The following PIGN variants were observed in gnomAD, a reference collection of about 807,000 sequenced individuals.
PIGN encodes phosphatidylinositol glycan anchor biosynthesis class N.
A neutral mutation model predicts 125.4 loss-of-function variants in PIGN; 117 were observed. That is an observed-to-expected ratio of 0.93 (90% CI 0.80 to 1.09). The LOEUF (loss-of-function observed/expected upper bound fraction) is 1.09, where lower values mean the gene tolerates loss of function less well. PIGN is among the 50% of genes least tolerant of loss of function. The probability of loss-of-function intolerance (pLI) is 0.00; values close to 1 mark genes in which losing one functional copy is unlikely to be tolerated. For missense variants in PIGN, 1,075 were observed against 1,094.9 expected (o/e 0.98, Z 0.26); for synonymous variants, 392 against 377.8 (o/e 1.04, Z -0.44).
chr18:62,071,864 A>ATATATATATATATATATG (rs1491451976), intron 30 of PIGN, among the ~76,000 whole-genome samples: 115 of 1,240 alleles, frequency 0.093, 6 homozygotes, highest in African/African-American at 0.2. Flanking sequence ...CTCCTTTTCC[A>ATATATATATATATATATG]TATATATATA....
chr18:62,114,649 A>T lies in PIGN; in HGVS notation c.1173-10T>A. ...GGAATCAGAAAGCAGTCTATATATA[A>T]AAAAAAGAATAGGTTTAAAGGGTTT... On this transcript the variant is annotated splice_polypyrimidine_tract_variant and intron_variant, in intron 14 of 30. Coordinates refer to ENST00000640252, the MANE Select transcript of PIGN (RefSeq NM_176787.5). 4 of 1,359,734 alleles carry T rather than the reference A, an allele frequency of 2.9e-6. No individual in the cohort carries two copies. Among genetic ancestry groups the T allele is most frequent in the Non-Finnish European group, 4.1e-6 (4 of 985,432 alleles). The allele number at this position is 1,359,734 out of a possible 1,614,324, so 84.2% of individuals were successfully genotyped here.
chr18:62,072,512 G>T lies in PIGN; in HGVS notation c.2672+161C>A, dbSNP rs187065233. On this transcript the variant is annotated intron_variant, in intron 30 of 30. Transcript: ENST00000640252. Reference sequence around the variant, plus strand: ...CATGCTGTACAGGTTTATAGTCTAGGAGCAATAGGCTGTACCATATCCTAG... The same window carrying T: ...CATGCTGTACAGGTTTATAGTCTAGTAGCAATAGGCTGTACCATATCCTAG... 2.1e-4 allele frequency: 119 copies of T among 562,094 alleles called. No individual in the cohort carries two copies. In the African/African-American group the frequency reaches 2.1e-3, roughly 10 times the overall value. The allele number at this position is 562,094 out of a possible 1,614,324, so 34.8% of individuals were successfully genotyped here.
At chr18:62,154,794 G>A in intron 6 of PIGN, 143 bp from the exon 7 acceptor site, 1 of 607,728 alleles carries the variant, frequency 1.6e-6, no homozygotes, top group Non-Finnish European at 2.9e-6. Flanking sequence ...GAGAAAAATG[G>A]GAGGAATAAT....
intron 22 of PIGN, among the ~76,000 whole-genome samples, chr18:62,099,306 ACAAT>A (rs2034342317): frequency 6.6e-6 from 1 of 152,164 alleles, no homozygotes; most frequent in Non-Finnish European, 1.5e-5. Flanking sequence ...TAGACCAAAA[ACAAT>A]CAATAAAGCA....
intron 30 of PIGN, among the ~76,000 whole-genome samples, chr18:62,060,831 G>A (rs973628999): frequency 1.3e-5 from 2 of 152,068 alleles, no homozygotes; most frequent in Non-Finnish European, 2.9e-5. Flanking sequence ...TACCTCAAAG[G>A]AATTTTTTTC....
chr18:62,114,687 T>C (rs746352609), intron 14 of PIGN, 48 bp from the exon 15 acceptor site: 14 of 825,346 alleles, frequency 1.7e-5, no homozygotes, highest in Non-Finnish European at 2.3e-5. Context: ...TCATTCCAAG[T>C]ATATGTTTCT....
intron 30 of PIGN, among the ~76,000 whole-genome samples, chr18:62,058,466 C>A (rs79413670): frequency 6.6e-6 from 1 of 152,144 alleles, no homozygotes; most frequent in Non-Finnish European, 1.5e-5. Flanking sequence ...TATGGAAAGA[C>A]GCAAACGTGA....
At chr18:62,172,628 A>C (rs971791604) in intron 1 of PIGN, among the ~76,000 whole-genome samples, 2 of 152,142 alleles carry the variant, frequency 1.3e-5, no homozygotes, top group African/African-American at 4.8e-5. Flanking sequence ...GTAAATGCAA[A>C]TGTATATTTG....
chr18:62,088,152 AT>A (rs1289884421), intron 25 of PIGN, among the ~76,000 whole-genome samples: 1 of 152,172 alleles, frequency 6.6e-6, no homozygotes, highest in African/African-American at 2.4e-5. Context: ...AATATATACA[AT>A]TTTTGTCAAT....
chr18:62,177,372 T>G (rs750910375), intron 1 of PIGN, among the ~76,000 whole-genome samples: 2 of 152,198 alleles, frequency 1.3e-5, no homozygotes, highest in Non-Finnish European at 2.9e-5. Context: ...TTCTAATAAT[T>G]TATATCTCTT....
intron 11 of PIGN, 140 bp from the exon 12 acceptor site, chr18:62,140,619 G>A (rs1021645020): frequency 4.4e-6 from 2 of 459,370 alleles, no homozygotes; most frequent in Non-Finnish European, 7.9e-6. Flanking sequence ...TAATAAAAAA[G>A]ATATTAATCT....
chr18:62,078,543 T>C (rs1410797061), intron 28 of PIGN, among the ~76,000 whole-genome samples: 2 of 152,194 alleles, frequency 1.3e-5, no homozygotes, highest in African/African-American at 4.8e-5. Context: ...TTTGAATGTG[T>C]CCCTGGTTCC....
chr18:62,072,625 C>G (rs1352333503), intron 30 of PIGN, 48 bp downstream of exon 30: 5 of 1,411,284 alleles, frequency 3.5e-6, no homozygotes, highest in Non-Finnish European at 4.9e-6. Context: ...ATATATTTCT[C>G]AGAACTTATC....
chr18:62,156,374 G>C (rs1599651497), intron 6 of PIGN, among the ~76,000 whole-genome samples: 1 of 152,110 alleles, frequency 6.6e-6, no homozygotes, highest in East Asian at 1.9e-4. Flanking sequence ...TGTTGCCCAG[G>C]CTGGAGTGCA....
intron 23 of PIGN, among the ~76,000 whole-genome samples, chr18:62,020,238 A>G (rs549407793): frequency 1.3e-5 from 2 of 152,348 alleles, no homozygotes; most frequent in South Asian, 4.1e-4. Flanking sequence ...AGATCTACCT[A>G]ACAGGGCTTT....
intron 23 of PIGN, among the ~76,000 whole-genome samples, chr18:62,022,597 AT>A (rs1432128142): frequency 2.6e-5 from 4 of 152,226 alleles, no homozygotes; most frequent in Admixed American, 6.5e-5. Flanking sequence ...AAGGGGAAAA[AT>A]TATGGTTGCT....
rs1447047962 is a variant in PIGN at position 62,078,759 on chromosome 18, C to T, written c.2576+3914G>A. ...TGTGTACCTAGATCCTATGAGTTTCCTCGTAAATACCTTTTTATTCAAGAG... is the reference window on the plus strand; with the variant it reads ...TGTGTACCTAGATCCTATGAGTTTCTTCGTAAATACCTTTTTATTCAAGAG... On this transcript the variant is annotated intron_variant, in intron 28 of 30. Transcript: ENST00000640252. Among the ~76,000 whole-genome samples the T allele has an allele frequency of 2.6e-5, 4 of 152,150 alleles. No individual in the cohort carries two copies. In the East Asian group the frequency reaches 7.7e-4, roughly 29 times the overall value.
intron 11 of PIGN, among the ~76,000 whole-genome samples, chr18:62,141,196 G>A (rs1370950557): frequency 6.6e-6 from 1 of 152,168 alleles, no homozygotes; most frequent in Non-Finnish European, 1.5e-5. Context: ...AATTGAGAAT[G>A]CCCAGTTTCA....
Position 62,082,670 on chromosome 18 carries a change from T to C in PIGN, c.2576+3A>G. 1 of 1,497,592 alleles carries C rather than the reference T, an allele frequency of 6.7e-7. No individual in the cohort carries two copies. Among genetic ancestry groups the C allele is most frequent in the Non-Finnish European group, 9.1e-7 (1 of 1,096,924 alleles). 92.8% of individuals were successfully genotyped at this position (1,497,592 alleles called of 1,614,324 possible). On this transcript the variant is annotated splice_donor_region_variant and intron_variant, in intron 28 of 30. Transcript: ENST00000640252. ...AAATGTTTCTTAAACTAATTCATCTTACCTTTTTGACGATAACTGAGTAGT... is the reference window on the plus strand; with the variant it reads ...AAATGTTTCTTAAACTAATTCATCTCACCTTTTTGACGATAACTGAGTAGT...
Sources: gnomAD v4.1 joint callset for allele counts (sites outside exome capture counted in the v4.1 genomes callset) on GRCh38, gnomAD v4.1.1 for gene constraint, MANE v1.5 for transcripts, NCBI Gene and HGNC (gene_info 2026-07-23, HGNC 2026-07-21) for gene names.